ABHD12B: variants seen among roughly 807,000 people sequenced by gnomAD.
ABHD12B encodes abhydrolase domain containing 12B.
ABHD12B carries 42 observed loss-of-function variants against 50.4 expected under a neutral mutation model. That is an observed-to-expected ratio of 0.83 (90% CI 0.65 to 1.08). The LOEUF is 1.08. Ranked by LOEUF, ABHD12B falls within the 50% of genes least tolerant of loss-of-function variation. ABHD12B has a pLI of 0.00. For synonymous variants in ABHD12B, 167 were observed against 160.3 expected, an observed-to-expected ratio of 1.04 and a Z score of -0.32; for missense variants, 479 against 447.7, an observed-to-expected ratio of 1.07 and a Z score of -0.63.
rs2297893 is a variant in ABHD12B at position 50,885,890 on chromosome 14, T to C, written c.657T>C (p.Gly219=). The change falls in exon 7 of 13, where the codon GGT becomes GGC. Residue 219 remains glycine (G), a synonymous_variant. Transcript: ENST00000337334. The stretch of plus-strand genomic sequence containing the variant: ...TGTGTCTCTGGGGCCACTCTCTGGG[T>C]ACAGGGTAAGTGAGATCTGCAAATG... ...TPVCLWGHSL[G]TGVATNAAKV... 0.058 allele frequency: 94,284 copies of C among 1,613,968 alleles called. 3,906 individuals are homozygous for C. Among genetic ancestry groups the C allele is most frequent in the Admixed American group, 0.19 (11,178 of 60,010 alleles).
chr14:50,890,914 ACT>A (rs2050108956), intron 9 of ABHD12B, among the ~76,000 whole-genome samples: 1 of 152,106 alleles, frequency 6.6e-6, no homozygotes, highest in Admixed American at 6.6e-5. Flanking sequence ...TTACCACTTT[ACT>A]CTCTCACCAA....
intron 9 of ABHD12B, among the ~76,000 whole-genome samples, chr14:50,899,257 C>T (rs921409412): frequency 6.6e-6 from 1 of 152,168 alleles, no homozygotes. Flanking sequence ...AGGCCTAAGC[C>T]AGAACTATGA....
intron 9 of ABHD12B, among the ~76,000 whole-genome samples, chr14:50,897,748 A>AT (rs899556371): frequency 3.3e-5 from 5 of 152,112 alleles, no homozygotes; most frequent in Non-Finnish European, 5.9e-5. Flanking sequence ...AAGTTTTCCC[A>AT]TTTTTTTACC....
rs149280376 is a variant in ABHD12B at position 50,881,667 on chromosome 14, T to C, written c.486+41T>C. ...CCTCAAAGCACCCATTTCATAAGTCTGTTTGATATGTCATAAGATTTTCCT... is the reference window on the plus strand; with the variant it reads ...CCTCAAAGCACCCATTTCATAAGTCCGTTTGATATGTCATAAGATTTTCCT... On this transcript the variant is annotated intron_variant, in intron 5 of 12. Transcript: ENST00000337334. The C allele has an allele frequency of 2.4e-4, 385 of 1,611,002 alleles. 1 individual carries two copies. The East Asian group carries it at 7.1e-3, about 30-fold the overall frequency.
At chr14:50,873,170 G>A (rs1049716494) in intron 1 of ABHD12B, among the ~76,000 whole-genome samples, 9 of 151,858 alleles carry the variant, frequency 5.9e-5, no homozygotes, top group Non-Finnish European at 1.2e-4. Flanking sequence ...ACCTCACTTT[G>A]GAGTGCCCAG....
rs528576727 is a variant in ABHD12B at position 50,897,134 on chromosome 14, G to A, written c.781-4695G>A. ...GTCACCCAGACTGGAGTGCAGTGGC[G>A]TGATCTCAGCTCATGGCAACCTCTG... On this transcript the variant is annotated intron_variant, in intron 9 of 12. Coordinates refer to ENST00000337334, the MANE Select transcript of ABHD12B (RefSeq NM_001206673.2). 2.1e-4 allele frequency among the ~76,000 whole-genome samples: 32 copies of A among 149,532 alleles called. No homozygotes were observed. In the South Asian group the frequency reaches 4.6e-3, roughly 22 times the overall value.
intron 9 of ABHD12B, among the ~76,000 whole-genome samples, chr14:50,898,672 G>A (rs949561882): frequency 1.3e-5 from 2 of 152,206 alleles, no homozygotes; most frequent in African/African-American, 2.4e-5. Flanking sequence ...ATGAATTGCT[G>A]AAGGACTTCT....
At position 50,892,382 on chromosome 14, in the gene ABHD12B, C is replaced by T. The variant is rs72685323; in HGVS notation, c.780+3479C>T. 453 of 984,098 alleles carry T rather than the reference C, an allele frequency of 4.6e-4. 1 individual carries two copies. In the African/African-American group the frequency reaches 7.3e-3, roughly 16 times the overall value. 61.0% of individuals were successfully genotyped at this position (984,098 alleles called of 1,614,324 possible). A position where few individuals can be genotyped will look rare whatever the true frequency, so the allele number is the denominator to read the frequency against. On this transcript the variant is annotated intron_variant, in intron 9 of 12. Coordinates refer to ENST00000337334, the MANE Select transcript of ABHD12B (RefSeq NM_001206673.2). ...GGGAAGAGCAGAACAAGGACGTGAC[C>T]TCAGGCAAAGTCTAGCTTTGGCCTG...
intron 9 of ABHD12B, chr14:50,891,889 C>T (rs1171530257): frequency 6.6e-6 from 1 of 152,198 alleles, no homozygotes; most frequent in African/African-American, 2.4e-5. Context: ...CATTGTCTAT[C>T]TGTCAATCTT....
At chr14:50,883,579 C>T (rs1231587113) in intron 5 of ABHD12B, among the ~76,000 whole-genome samples, 3 of 152,254 alleles carry the variant, frequency 2.0e-5, no homozygotes, top group Admixed American at 6.5e-5. Flanking sequence ...TGAGAATGTG[C>T]GTGCTTTTCC....
At chr14:50,882,965 C>A (rs1422310858) in intron 5 of ABHD12B, among the ~76,000 whole-genome samples, 1 of 79,160 alleles carries the variant, frequency 1.3e-5, no homozygotes, top group African/African-American at 5.1e-5. Flanking sequence ...AGTGAGGAGA[C>A]CCTGACTCAA....
At chr14:50,887,586 T>A (rs920206962) in intron 8 of ABHD12B, among the ~76,000 whole-genome samples, 4 of 152,212 alleles carry the variant, frequency 2.6e-5, no homozygotes, top group African/African-American at 9.6e-5. Context: ...CTATTTTTGA[T>A]TAAGGGCTAC....
chr14:50,877,869 A>AAAG (rs2142722424), intron 1 of ABHD12B, 83 bp from the exon 2 acceptor site: 1 of 1,414,560 alleles, frequency 7.1e-7, no homozygotes, highest in South Asian at 1.5e-5. Context: ...CTCTGTCCAA[A>AAAG]AAAAAACAAA....
At chr14:50,883,226 C>T (rs952282287) in intron 5 of ABHD12B, among the ~76,000 whole-genome samples, 1 of 152,170 alleles carries the variant, frequency 6.6e-6, no homozygotes, top group African/African-American at 2.4e-5. Flanking sequence ...TGCTGGTGAC[C>T]GGCTGGTGAC....
intron 1 of ABHD12B, 78 bp from the exon 2 acceptor site, chr14:50,877,874 A>AAAAACAAAAAG: frequency 7.0e-7 from 1 of 1,423,434 alleles, no homozygotes; most frequent in South Asian, 1.5e-5. Flanking sequence ...TCCAAAAAAA[A>AAAAACAAAAAG]ACAAAGAAAA....
Position 50,878,862 on chromosome 14 carries a change from G to A in ABHD12B, c.335+15G>A. On this transcript the variant is annotated intron_variant, in intron 3 of 12. Transcript: ENST00000337334. ...CTAGGGATCTGGTGAGTGCACGGAT[G>A]GGACACCGGGTTGCTTGATGGGGCA... The A allele has an allele frequency of 6.2e-7, 1 of 1,606,898 alleles. No individual in the cohort carries two copies. Among genetic ancestry groups the A allele is most frequent in the East Asian group, 2.2e-5 (1 of 44,862 alleles).
At chr14:50,887,338 T>C (rs376558310) in intron 8 of ABHD12B, among the ~76,000 whole-genome samples, 3 of 152,136 alleles carry the variant, frequency 2.0e-5, no homozygotes, top group East Asian at 1.9e-4. Context: ...GTAATATTTA[T>C]GTCAGGGTTT....
chr14:50,888,837 T>G lies in ABHD12B; in HGVS notation c.714T>G (p.Asp238Glu). Residue 238 changes from aspartate (D) to glutamate (E), a missense_variant, in exon 9 of 13, where the codon GAT becomes GAG. Asp to Glu is a conservative substitution (Grantham distance 45). Transcript: ENST00000337334. ...TTTCATTTCAAGGATGCCCAGTTGA[T>G]GCTATTGTCTTGGAAGCTCCATTTA... ...KVLEEKGCPV[D>E]AIVLEAPFTN... 6.2e-7 allele frequency: 1 copy of G among 1,614,044 alleles called. No individual in the cohort carries two copies. Among genetic ancestry groups the G allele is most frequent in the African/African-American group, 1.3e-5 (1 of 75,066 alleles).
At chr14:50,882,224 C>A (rs1460729985) in intron 5 of ABHD12B, among the ~76,000 whole-genome samples, 1 of 139,178 alleles carries the variant, frequency 7.2e-6, no homozygotes, top group Non-Finnish European at 1.6e-5. Flanking sequence ...GCGCGAACCA[C>A]CTCACCCGGC....
Sources: gnomAD v4.1 joint callset for allele counts (sites outside exome capture counted in the v4.1 genomes callset) on GRCh38, gnomAD v4.1.1 for gene constraint, MANE v1.5 for transcripts, NCBI Gene and HGNC (gene_info 2026-07-23, HGNC 2026-07-21) for gene names.